NSDHL: variants seen among roughly 807,000 people sequenced by gnomAD.
NSDHL encodes the protein NAD(P) dependent 3-beta-hydroxysteroid dehydrogenase NSDHL.
Under a neutral mutation model 23.0 loss-of-function variants are expected in NSDHL, and 1 was observed. That is an observed-to-expected ratio of 0.04 (90% CI 0.02 to 0.21). The LOEUF (loss-of-function observed/expected upper bound fraction) is 0.21. Among genes scored for constraint, NSDHL ranks in the 10% least tolerant of loss-of-function variants. The pLI is 1.00. For missense variants in NSDHL, 237 were observed against 300.9 expected (o/e 0.79, Z 1.57); for synonymous variants, 128 against 121.1 (o/e 1.06, Z -0.37).
At chrX:152,834,865 G>C (rs1039452089) in intron 1 of NSDHL, among the ~76,000 whole-genome samples, 56 of 112,911 alleles carry the variant, frequency 5.0e-4, no homozygotes, top group African/African-American at 1.7e-3. Flanking sequence ...GGGAAGGGCA[G>C]TTTGCCTGGC....
At chrX:152,838,885 G>A (rs1556844524) in intron 1 of NSDHL, among the ~76,000 whole-genome samples, 1 of 111,675 alleles carries the variant, frequency 9.0e-6, no homozygotes, top group Non-Finnish European at 1.9e-5. Flanking sequence ...TCTGTCTAAT[G>A]TTGACAGTGG....
At chrX:152,853,634 G>A (rs1241621163) in intron 3 of NSDHL, among the ~76,000 whole-genome samples, 1 of 112,105 alleles carries the variant, frequency 8.9e-6, no homozygotes, top group Non-Finnish European at 1.9e-5. Flanking sequence ...GGCCCTGCAC[G>A]GCACGTCCCC....
intron 2 of NSDHL, among the ~76,000 whole-genome samples, chrX:152,848,420 C>G (rs1409947741): frequency 8.9e-6 from 1 of 112,289 alleles, no homozygotes; most frequent in Non-Finnish European, 1.9e-5. Flanking sequence ...CCCATCACTA[C>G]AAGGGTCTCC....
chrX:152,869,461 G>T lies in NSDHL; in HGVS notation c.*345G>T. 6.9e-6 allele frequency: 2 copies of T among 289,485 alleles called. No homozygotes were observed. Among genetic ancestry groups the T allele is most frequent in the Non-Finnish European group, 1.3e-5 (2 of 158,890 alleles). 23.9% of individuals were successfully genotyped at this position (289,485 alleles called of 1,213,427 possible). On this transcript the variant is annotated 3_prime_UTR_variant, in exon 8 of 8. Transcript: ENST00000370274. Reference sequence around the variant, plus strand: ...TACATAATCAAGGAAGCTGTAGGAAGCTACAACCCATTTGTTAGTTCTGAT... The same window carrying T: ...TACATAATCAAGGAAGCTGTAGGAATCTACAACCCATTTGTTAGTTCTGAT...
chrX:152,845,882 C>T (rs935493227), intron 1 of NSDHL, among the ~76,000 whole-genome samples: 1 of 112,517 alleles, frequency 8.9e-6, no homozygotes, highest in Non-Finnish European at 1.9e-5. Flanking sequence ...AGGCCCAGAG[C>T]AGGACTCCCT....
chrX:152,859,107 A>T (rs1485708911), intron 4 of NSDHL, among the ~76,000 whole-genome samples, 191 bp downstream of exon 4: 1 of 111,916 alleles, frequency 8.9e-6, no homozygotes, highest in Non-Finnish European at 1.9e-5. Flanking sequence ...CTGATTTGAG[A>T]TGTAATATTC....
chrX:152,836,783 T>C (rs1453256182), intron 1 of NSDHL, among the ~76,000 whole-genome samples: 1 of 112,193 alleles, frequency 8.9e-6, no homozygotes, highest in Admixed American at 9.5e-5. Flanking sequence ...CTTGGCTATG[T>C]GGGCTCTTTT....
intron 6 of NSDHL, 63 bp from the exon 7 acceptor site, chrX:152,867,508 G>C (rs1399165574): frequency 1.2e-6 from 1 of 832,318 alleles, no homozygotes; most frequent in Non-Finnish European, 1.8e-6. Flanking sequence ...AGACTTGGGA[G>C]TGGCCCTGGC....
chrX:152,868,829 C>T lies in NSDHL; in HGVS notation c.835C>T (p.Leu279=). The T allele has an allele frequency of 8.3e-7, 1 of 1,211,640 alleles. No individual in the cohort carries two copies. The highest frequency in any genetic ancestry group is 1.1e-6 in the Non-Finnish European group (1 of 895,232). The change falls in exon 8 of 8, where the codon CTG becomes TTG. Residue 279 remains leucine, a synonymous_variant. Coordinates refer to ENST00000370274, the MANE Select transcript of NSDHL (RefSeq NM_015922.3). ...TGAGCCCATCCCTTTCTGGACATTC[C>T]TGTCTCGCATCCTGACAGGCCTCAA... ...NDEPIPFWTF[L]SRILTGLNYE...
intron 6 of NSDHL, 85 bp downstream of exon 6, chrX:152,866,046 T>C: frequency 9.8e-7 from 1 of 1,023,488 alleles, no homozygotes; most frequent in African/African-American, 1.8e-5. Flanking sequence ...CCACATGGCA[T>C]TGTAGCTCTT....
At chrX:152,844,192 T>C (rs960650635) in intron 1 of NSDHL, among the ~76,000 whole-genome samples, 3 of 112,222 alleles carry the variant, frequency 2.7e-5, no homozygotes, top group African/African-American at 6.5e-5. Flanking sequence ...AATGACCTTA[T>C]GAGGCCATTT....
intron 4 of NSDHL, among the ~76,000 whole-genome samples, chrX:152,861,664 C>T (rs924846780): frequency 1.8e-5 from 2 of 112,711 alleles, no homozygotes; most frequent in South Asian, 3.6e-4. Flanking sequence ...CTGTTTATCT[C>T]GCTCTTTAAT....
chrX:152,853,224 T>C (rs1365507824), intron 3 of NSDHL, among the ~76,000 whole-genome samples: 3 of 108,152 alleles, frequency 2.8e-5, no homozygotes, highest in Non-Finnish European at 5.7e-5. Flanking sequence ...GCTTGCTACA[T>C]CCAAAATTAA....
intron 1 of NSDHL, among the ~76,000 whole-genome samples, chrX:152,834,761 C>T (rs145225683): frequency 8.9e-6 from 1 of 112,590 alleles, no homozygotes; most frequent in South Asian, 3.7e-4. Flanking sequence ...CTTTTATAAT[C>T]CAAGGCTTAG....
rs1277898523 is a variant in NSDHL at position 152,835,624 on chromosome X, T to C, written c.-44+4507T>C. 7.2e-5 allele frequency among the ~76,000 whole-genome samples: 8 copies of C among 111,327 alleles called. No individual in the cohort carries two copies. The East Asian group carries it at 2.2e-3, about 31-fold the overall frequency. ...TTCATCCATGCCCCTACAAAGGACA[T>C]GAACTCATCATTTTTCATGGCTGCA... is the stretch of plus-strand genomic sequence containing the variant. On this transcript the variant is annotated intron_variant, in intron 1 of 7. Transcript: ENST00000370274.
chrX:152,868,125 G>T (rs1051238460), intron 7 of NSDHL, among the ~76,000 whole-genome samples: 1 of 109,321 alleles, frequency 9.1e-6, no homozygotes, highest in Non-Finnish European at 1.9e-5. Flanking sequence ...GAATAGGGTG[G>T]GTGTGGCATT....
intron 5 of NSDHL, among the ~76,000 whole-genome samples, chrX:152,864,502 C>G (rs1933577177): frequency 8.9e-6 from 1 of 112,399 alleles, no homozygotes; most frequent in African/African-American, 3.2e-5. Flanking sequence ...TCAGGAGCTT[C>G]AAATGATGGC....
In NSDHL at chrX:152,847,924, G is replaced by A. The variant is rs375281009; in HGVS notation, c.108+1492G>A. Among the ~76,000 whole-genome samples the A allele has an allele frequency of 4.1e-3, 447 of 107,742 alleles. 9 individuals carry two copies. The highest frequency in any genetic ancestry group is 0.021 in the South Asian group (50 of 2,416). 93.6% of individuals were successfully genotyped at this position (107,742 alleles called of 115,157 possible). On this transcript the variant is annotated intron_variant, in intron 2 of 7. Coordinates refer to ENST00000370274, the MANE Select transcript of NSDHL (RefSeq NM_015922.3). ...GTCGCCCAGGCTGGAGTGCAGTGGC[G>A]TGATTTCAGGTCACTGCAACCTCTG...
chrX:152,861,852 C>T (rs782736722), intron 4 of NSDHL, among the ~76,000 whole-genome samples: 3 of 112,335 alleles, frequency 2.7e-5, no homozygotes, highest in Non-Finnish European at 3.8e-5. Flanking sequence ...CTTTGCCAAA[C>T]GCTAATATTT....
Sources: gnomAD v4.1 joint callset for allele counts (sites outside exome capture counted in the v4.1 genomes callset) on GRCh38, gnomAD v4.1.1 for gene constraint, MANE v1.5 for transcripts, NCBI Gene and HGNC (gene_info 2026-07-23, HGNC 2026-07-21) for gene names.